MMD2: variants seen among roughly 807,000 people sequenced by gnomAD.
The protein encoded by MMD2 is monocyte to macrophage differentiation associated 2, also known as monocyte to macrophage differentiation factor 2.
In MMD2, 30 loss-of-function variants were observed where a neutral mutation model predicts 33.5. The observed-to-expected ratio is 0.90, with a 90% CI of 0.67 to 1.22. The LOEUF (loss-of-function observed/expected upper bound fraction) is 1.22. Among genes scored for constraint, MMD2 ranks in the 50% most tolerant of loss-of-function variants. The pLI is 0.00. For missense variants in MMD2, 364 were observed against 325.4 expected, an observed-to-expected ratio of 1.12 and a Z score of -0.91; for synonymous variants, 129 against 123.0, an observed-to-expected ratio of 1.05 and a Z score of -0.32.
chr7:4,908,147 G>GT (rs34216197), intron 6 of MMD2, among the ~76,000 whole-genome samples: 22,399 of 137,450 alleles, frequency 0.16, 2,156 homozygotes, highest in Admixed American at 0.32. Flanking sequence ...ATCTGGTTTT[G>GT]TTTTTTTTTT....
At chr7:4,932,624 AT>A (rs34390864) in intron 1 of MMD2, among the ~76,000 whole-genome samples, 70,568 of 137,606 alleles carry the variant, frequency 0.51, 18,503 homozygotes, top group South Asian at 0.69. Flanking sequence ...TCTGTGGTGC[AT>A]TTTTTTTTTT....
At chr7:4,921,802 A>G (rs993042265) in intron 2 of MMD2, among the ~76,000 whole-genome samples, 1 of 152,134 alleles carries the variant, frequency 6.6e-6, no homozygotes, top group African/African-American at 2.4e-5. Context: ...GTCAACAGCA[A>G]TGCACCAGAA....
chr7:4,941,585 G>A (rs1785910439), intron 1 of MMD2, among the ~76,000 whole-genome samples: 1 of 150,196 alleles, frequency 6.7e-6, no homozygotes, highest in African/African-American at 2.5e-5. Context: ...AGCCGAGATG[G>A]CACCACTGCA....
chr7:4,903,155 T>C (rs187180971), downstream of MMD2, among the ~76,000 whole-genome samples: 510 of 152,180 alleles, frequency 3.4e-3, 5 homozygotes, highest in African/African-American at 0.011. Context: ...GGAGAATCAC[T>C]TGAACCCAGG....
intron 1 of MMD2, among the ~76,000 whole-genome samples, chr7:4,939,213 CA>C (rs537928057): frequency 3.4e-5 from 5 of 145,812 alleles, no homozygotes; most frequent in African/African-American, 5.1e-5. Flanking sequence ...AAAAAAAACC[CA>C]AAAAAAACAA....
chr7:4,892,616 A>AAATAAATCAATC, the MMD2 span, among the ~76,000 whole-genome samples: 18 of 150,084 alleles, frequency 1.2e-4, no homozygotes, highest in African/African-American at 4.3e-4. Flanking sequence ...ATAAATAAAT[A>AAATAAATCAATC]AATCTGAAAA....
At chr7:4,942,602 A>G (rs1055824739) in intron 1 of MMD2, among the ~76,000 whole-genome samples, 15 of 141,992 alleles carry the variant, frequency 1.1e-4, no homozygotes, top group Non-Finnish European at 1.9e-4. Context: ...TACACTTTCC[A>G]TCCTGTCTAT....
chr7:4,945,453 C>T (rs1375736532), intron 1 of MMD2, among the ~76,000 whole-genome samples: 3 of 149,866 alleles, frequency 2.0e-5, no homozygotes, highest in East Asian at 2.0e-4. Context: ...ATTTTAGTAG[C>T]GACGGGGTTT....
At chr7:4,958,924 G>A (rs1313507830) in intron 1 of MMD2, 47 bp downstream of exon 1, 3 of 1,277,880 alleles carry the variant, frequency 2.3e-6, no homozygotes, top group East Asian at 3.2e-5. Flanking sequence ...CCCCGCCGCC[G>A]CGCGCCCCTC....
In MMD2 at chr7:4,911,196, A is replaced by G. The variant is rs1041316434; in HGVS notation, c.416T>C (p.Val139Ala). 14 of 1,601,736 alleles carry G rather than the reference A, an allele frequency of 8.7e-6. No individual in the cohort carries two copies. The highest frequency in any genetic ancestry group is 1.3e-5 in the African/African-American group (1 of 74,712). Reference sequence around the variant, plus strand: ...GGTGCCCACGGAAGCCATAATCCAGACCAGCCAGCGCATGTGGGAGGCCCA... The same window carrying G: ...GGTGCCCACGGAAGCCATAATCCAGGCCAGCCAGCGCATGTGGGAGGCCCA... Reference protein sequence around the residue: ...GPWASHMRWLVWIMASVGTIY... With the variant: ...GPWASHMRWLAWIMASVGTIY... Residue 139 changes from valine to alanine, a missense_variant, in exon 5 of 7, where the codon GTC (valine) becomes GCC (alanine). Transcript: ENST00000401401.
chr7:4,939,507 C>T (rs1484391320), intron 1 of MMD2, among the ~76,000 whole-genome samples: 1 of 152,144 alleles, frequency 6.6e-6, no homozygotes, highest in African/African-American at 2.4e-5. Flanking sequence ...CATGTCACTG[C>T]ACTCCAGCCT....
intron 2 of MMD2, among the ~76,000 whole-genome samples, chr7:4,921,214 C>T (rs1412448988): frequency 6.6e-6 from 1 of 152,108 alleles, no homozygotes; most frequent in Non-Finnish European, 1.5e-5. Flanking sequence ...CCACATGTGA[C>T]CCATCATCAC....
intron 1 of MMD2, among the ~76,000 whole-genome samples, chr7:4,955,513 A>C (rs1054818658): frequency 2.0e-5 from 3 of 152,206 alleles, no homozygotes; most frequent in African/African-American, 7.2e-5. Flanking sequence ...CTTGGAATTG[A>C]CTAGCCCAAA....
At chr7:4,952,674 C>T (rs1054080476) in intron 1 of MMD2, among the ~76,000 whole-genome samples, 9 of 143,896 alleles carry the variant, frequency 6.3e-5, no homozygotes, top group African/African-American at 1.5e-4. Context: ...ATCTCGGTTG[C>T]GTGCTCCGTA....
At chr7:4,957,173 AATAT>A (rs374396898) in intron 1 of MMD2, among the ~76,000 whole-genome samples, 66 of 127,370 alleles carry the variant, frequency 5.2e-4, no homozygotes, top group African/African-American at 1.3e-3. Flanking sequence ...CAAAAAAAAA[AATAT>A]ATATATATAT....
intron 1 of MMD2, among the ~76,000 whole-genome samples, chr7:4,926,894 G>A (rs1360411570): frequency 7.2e-5 from 11 of 152,054 alleles, no homozygotes; most frequent in Middle Eastern, 3.4e-3. Context: ...ACAGGCGCCC[G>A]CCATCATGCC....
intron 1 of MMD2, among the ~76,000 whole-genome samples, chr7:4,957,122 C>T (rs565405034): frequency 1.7e-4 from 26 of 149,496 alleles, no homozygotes; most frequent in African/African-American, 6.4e-4. Flanking sequence ...GCTGAGATCA[C>T]GCCACCGCAC....
At position 4,911,135 on chromosome 7, in the gene MMD2, C is replaced by G. The variant is rs1391295851; in HGVS notation, c.467+10G>C. ...ATCCCGCCTCCCTGAAGCCCCCAGG[C>G]CTGGCTTACCGCTCATGGAAGAAGA... On this transcript the variant is annotated intron_variant, in intron 5 of 6. Coordinates refer to ENST00000401401, the MANE Select transcript of MMD2 (RefSeq NM_198403.4). 3 of 1,567,210 alleles carry G rather than the reference C, an allele frequency of 1.9e-6. No individual in the cohort carries two copies. Among genetic ancestry groups the G allele is most frequent in the Non-Finnish European group, 2.6e-6 (3 of 1,156,380 alleles).
At chr7:4,913,941 G>A (rs973663567) in intron 4 of MMD2, among the ~76,000 whole-genome samples, 6 of 151,964 alleles carry the variant, frequency 3.9e-5, no homozygotes, top group East Asian at 1.9e-4. Flanking sequence ...GATTACAGGC[G>A]TTAGCCACTG....
Sources: allele counts gnomAD v4.1 joint callset (sites outside exome capture counted in the v4.1 genomes callset), GRCh38; gene constraint gnomAD v4.1.1; transcripts MANE v1.5; gene names NCBI Gene and HGNC (gene_info 2026-07-23, HGNC 2026-07-21).